DRC9: variants seen among roughly 807,000 people sequenced by gnomAD.
DRC9 encodes dynein regulatory complex subunit 9.
At chr3:197,926,309 A>C in the DRC9 span, among the ~76,000 whole-genome samples, 2 of 152,262 alleles carry the variant, frequency 1.3e-5, no homozygotes, top group East Asian at 3.9e-4. Flanking sequence ...TCACATTTTC[A>C]ATAACACGTT....
At chr3:197,889,740 C>G in the DRC9 span, 10 of 1,612,772 alleles carry the variant, frequency 6.2e-6, no homozygotes, top group Non-Finnish European at 8.5e-6. Flanking sequence ...GGAGTGAGTA[C>G]GACGTATGCT....
the DRC9 span, among the ~76,000 whole-genome samples, chr3:197,904,584 G>A: frequency 6.6e-6 from 1 of 152,188 alleles, no homozygotes. Context: ...AAAAGGTGGG[G>A]CCGGGCGTGG....
chr3:197,924,853 T>C, the DRC9 span, among the ~76,000 whole-genome samples: 1 of 152,210 alleles, frequency 6.6e-6, no homozygotes, highest in African/African-American at 2.4e-5. Context: ...CCTAGAAAAG[T>C]TGTCAGTCAT....
the DRC9 span, among the ~76,000 whole-genome samples, chr3:197,948,139 G>GCC: frequency 6.6e-6 from 1 of 151,838 alleles, no homozygotes; most frequent in South Asian, 2.1e-4. Flanking sequence ...CACTATGTTG[G>GCC]CCAGGCTGGT....
chr3:197,932,198 A>T, the DRC9 span: 1 of 1,613,202 alleles, frequency 6.2e-7, no homozygotes, highest in Non-Finnish European at 8.5e-7. Flanking sequence ...ATAGAAATGC[A>T]TTTTGTTTTC....
At chr3:197,909,622 A>T in the DRC9 span, among the ~76,000 whole-genome samples, 8 of 152,268 alleles carry the variant, frequency 5.3e-5, no homozygotes, top group African/African-American at 1.7e-4. Flanking sequence ...TACAGAAAAC[A>T]TTAAAAACAA....
chr3:197,921,504 C>T, the DRC9 span, among the ~76,000 whole-genome samples: 1 of 140,532 alleles, frequency 7.1e-6, no homozygotes, highest in Non-Finnish European at 1.5e-5. Context: ...TTGGTTTCTT[C>T]TTGGTCGACC....
chr3:197,948,181 C>T, the DRC9 span, among the ~76,000 whole-genome samples: 1 of 152,184 alleles, frequency 6.6e-6, no homozygotes, highest in Non-Finnish European at 1.5e-5. Flanking sequence ...GATCCACCCA[C>T]CTCAGCCTCC....
chr3:197,948,956 G>A, the DRC9 span, among the ~76,000 whole-genome samples: 1 of 152,134 alleles, frequency 6.6e-6, no homozygotes, highest in Non-Finnish European at 1.5e-5. Flanking sequence ...CAGTGACTTT[G>A]TCAATATAGA....
the DRC9 span, among the ~76,000 whole-genome samples, chr3:197,943,569 G>A: frequency 2.0e-5 from 3 of 151,742 alleles, no homozygotes; most frequent in African/African-American, 4.8e-5. Context: ...AGCCTGGGAG[G>A]TAGAGGCTGC....
the DRC9 span, chr3:197,956,767 C>T: frequency 6.6e-6 from 1 of 151,980 alleles, no homozygotes; most frequent in Non-Finnish European, 1.5e-5. Context: ...ATAGCTGGGG[C>T]CACAGGCATG....
chr3:197,953,679 A>G, the DRC9 span: 1 of 441,740 alleles, frequency 2.3e-6, no homozygotes, highest in South Asian at 1.8e-5. Flanking sequence ...TCCTTTCTGT[A>G]CACACAAATA....
chr3:197,918,926 G>A, the DRC9 span, among the ~76,000 whole-genome samples: 6 of 151,924 alleles, frequency 3.9e-5, no homozygotes, highest in Non-Finnish European at 8.8e-5. Context: ...CTCCTGCCTC[G>A]GCCTCCCAAG....
At chr3:197,923,667 T>C in the DRC9 span, among the ~76,000 whole-genome samples, 1 of 150,746 alleles carries the variant, frequency 6.6e-6, no homozygotes, top group Admixed American at 6.6e-5. Context: ...GAGGCAGAGG[T>C]TGCAGTGAGC....
chr3:197,921,236 G>A, the DRC9 span, among the ~76,000 whole-genome samples: 20 of 126,222 alleles, frequency 1.6e-4, 1 homozygote, highest in East Asian at 3.6e-3. Flanking sequence ...TGGTCGACCC[G>A]ACTACTGGTT....
the DRC9 span, among the ~76,000 whole-genome samples, chr3:197,932,925 GTAT>G: frequency 8.0e-6 from 1 of 125,196 alleles, no homozygotes; most frequent in Non-Finnish European, 1.6e-5. Context: ...TGCATATTAT[GTAT>G]TATATATATG....
chr3:197,905,956 C>T, the DRC9 span, among the ~76,000 whole-genome samples: 4 of 151,788 alleles, frequency 2.6e-5, no homozygotes, highest in Non-Finnish European at 5.9e-5. Flanking sequence ...AAAAAAGATA[C>T]TTCCTGAAGT....
the DRC9 span, among the ~76,000 whole-genome samples, chr3:197,937,049 T>C: frequency 1.3e-5 from 2 of 152,204 alleles, no homozygotes; most frequent in Non-Finnish European, 2.9e-5. Flanking sequence ...CAACTCTGCA[T>C]TGTGGCATGA....
the DRC9 span, among the ~76,000 whole-genome samples, chr3:197,918,078 T>C: frequency 6.8e-6 from 1 of 146,506 alleles, no homozygotes; most frequent in Non-Finnish European, 1.5e-5. Context: ...TATTTCCAAA[T>C]TGTATGGCAG....
Sources: allele counts gnomAD v4.1 joint callset (sites outside exome capture counted in the v4.1 genomes callset), GRCh38; gene constraint gnomAD v4.1.1; transcripts MANE v1.5; gene names NCBI Gene and HGNC (gene_info 2026-07-23, HGNC 2026-07-21).